The following DOCK2 variants were observed in gnomAD, a reference collection of about 807,000 sequenced individuals.
The protein encoded by DOCK2 is dedicator of cytokinesis protein 2.
Under a neutral mutation model 248.9 loss-of-function variants are expected in DOCK2, and 87 were observed. The ratio of observed to expected loss-of-function variants is 0.35; its 90% CI spans 0.29 to 0.42. The LOEUF is 0.42. Among genes scored for constraint, DOCK2 ranks in the 10% least tolerant of loss-of-function variants. The pLI, the probability that DOCK2 is intolerant of heterozygous loss-of-function variation, is 1.00. For missense variants in DOCK2, 1,747 were observed against 2,300.2 expected (o/e 0.76, Z 4.92); for synonymous variants, 805 against 821.6 (o/e 0.98, Z 0.35).
At chr5:169,646,123 T>C (rs757801463) in intron 1 of DOCK2, among the ~76,000 whole-genome samples, 4 of 152,206 alleles carry the variant, frequency 2.6e-5, no homozygotes, top group Admixed American at 6.5e-5. Flanking sequence ...TCGTGTAAGA[T>C]ATAAGGAAGG....
rs528872240 is a variant in DOCK2 at position 169,662,677 on chromosome 5, G to T, written c.128-6611G>T. ...AGAGAGAGAGAACAAGAAGGGAAGTGCCATACGTTTAAACCATCAGATCTC... is the reference window on the plus strand; with the variant it reads ...AGAGAGAGAGAACAAGAAGGGAAGTTCCATACGTTTAAACCATCAGATCTC... On this transcript the variant is annotated intron_variant, in intron 2 of 51. Coordinates refer to ENST00000520908, the MANE Select transcript of DOCK2 (RefSeq NM_004946.3). 2.0e-5 allele frequency among the ~76,000 whole-genome samples: 3 copies of T among 152,294 alleles called. No individual in the cohort carries two copies. The South Asian group carries it at 6.2e-4, about 32-fold the overall frequency.
chr5:169,873,185 CCTA>C (rs1321802608), intron 27 of DOCK2, among the ~76,000 whole-genome samples: 2 of 152,148 alleles, frequency 1.3e-5, no homozygotes, highest in Non-Finnish European at 2.9e-5. Flanking sequence ...TGCTGTAAAT[CCTA>C]CTTCTTTTCC....
rs148976077 is a variant in DOCK2 at position 169,877,555 on chromosome 5, A to T, written c.2799+36703A>T. 8.5e-3 allele frequency among the ~76,000 whole-genome samples: 1,291 copies of T among 152,278 alleles called. 48 individuals carry two copies. Among genetic ancestry groups the T allele is most frequent in the Admixed American group, 0.068 (1,043 of 15,292 alleles). On this transcript the variant is annotated intron_variant, in intron 27 of 51. Transcript: ENST00000520908. Reference sequence around the variant, plus strand: ...TTGAACAAAGTAAATATGGGAAGAAAATTAATTTTGTGGTGAAATAGGTGT... The same window carrying T: ...TTGAACAAAGTAAATATGGGAAGAATATTAATTTTGTGGTGAAATAGGTGT...
At chr5:170,068,830 C>T (rs1272247872) in intron 45 of DOCK2, among the ~76,000 whole-genome samples, 1 of 152,176 alleles carries the variant, frequency 6.6e-6, no homozygotes, top group African/African-American at 2.4e-5. Context: ...TTCAGGCTGT[C>T]TGGGCTGGGG....
intron 9 of DOCK2, among the ~76,000 whole-genome samples, chr5:169,689,565 T>G (rs1760177923): frequency 6.6e-6 from 1 of 152,210 alleles, no homozygotes; most frequent in Non-Finnish European, 1.5e-5. Flanking sequence ...GTCTCACTCC[T>G]GCACACACAG....
intron 27 of DOCK2, among the ~76,000 whole-genome samples, chr5:169,845,781 A>G (rs1196634558): frequency 6.6e-6 from 1 of 152,200 alleles, no homozygotes; most frequent in Non-Finnish European, 1.5e-5. Flanking sequence ...CAATGCTAAG[A>G]GTGCTGAGAG....
chr5:170,072,420 AATTT>A lies in DOCK2; in HGVS notation c.4728+3207_4728+3210del, dbSNP rs569109778. 2.5e-4 allele frequency among the ~76,000 whole-genome samples: 38 copies of A among 152,228 alleles called. 2 individuals carry two copies. The South Asian group carries it at 4.4e-3, about 17-fold the overall frequency. On this transcript the variant is annotated intron_variant, in intron 46 of 51. Transcript: ENST00000520908. ...GTATCTAAATTACCAATAATATATCAATTTATTTATCCGTTCTGTTGGACATTTG... is the reference window on the plus strand; with the variant it reads ...GTATCTAAATTACCAATAATATATCAATTTATCCGTTCTGTTGGACATTTG...
At chr5:169,987,234 TC>T (rs1246006579) in intron 29 of DOCK2, among the ~76,000 whole-genome samples, 1 of 152,216 alleles carries the variant, frequency 6.6e-6, no homozygotes, top group African/African-American at 2.4e-5. Flanking sequence ...AGGCTTCTTT[TC>T]CTATAGGTAC....
intron 27 of DOCK2, among the ~76,000 whole-genome samples, chr5:169,898,990 T>C (rs778918989): frequency 3.9e-5 from 6 of 152,162 alleles, no homozygotes; most frequent in Non-Finnish European, 8.8e-5. Context: ...GTCTGTGAAG[T>C]AGAACAGGTC....
intron 36 of DOCK2, among the ~76,000 whole-genome samples, chr5:170,037,684 C>T (rs575514892): frequency 7.9e-5 from 12 of 152,156 alleles, no homozygotes; most frequent in African/African-American, 2.9e-4. Flanking sequence ...CGGGGTTTCA[C>T]CATGTTGGCC....
chr5:169,639,180 A>G (rs1256516187), intron 1 of DOCK2, among the ~76,000 whole-genome samples: 1 of 152,212 alleles, frequency 6.6e-6, no homozygotes. Flanking sequence ...GACTTAGAAT[A>G]GAAGGAAAAT....
intron 1 of DOCK2, among the ~76,000 whole-genome samples, chr5:169,647,635 C>T (rs1406559741): frequency 1.3e-5 from 2 of 152,098 alleles, no homozygotes; most frequent in African/African-American, 2.4e-5. Flanking sequence ...GATGGCCCTG[C>T]CATTCATCCC....
At chr5:169,777,816 A>G (rs1007231740) in intron 25 of DOCK2, among the ~76,000 whole-genome samples, 1 of 152,200 alleles carries the variant, frequency 6.6e-6, no homozygotes, top group African/African-American at 2.4e-5. Flanking sequence ...ATTAATAACT[A>G]TTACTAGTGC....
At chr5:169,930,067 T>C (rs1775672642) in intron 27 of DOCK2, among the ~76,000 whole-genome samples, 1 of 152,240 alleles carries the variant, frequency 6.6e-6, no homozygotes, top group Admixed American at 6.5e-5. Flanking sequence ...CTCAGCTCAC[T>C]GCAATCTCTG....
intron 3 of DOCK2, among the ~76,000 whole-genome samples, chr5:169,669,674 T>C (rs1758934164): frequency 6.6e-6 from 1 of 152,152 alleles, no homozygotes; most frequent in African/African-American, 2.4e-5. Context: ...CAGCATTCAG[T>C]CATCTCCTCA....
chr5:170,057,481 G>A (rs545064311), intron 43 of DOCK2, 99 bp from the exon 44 acceptor site: 20 of 1,002,700 alleles, frequency 2.0e-5, no homozygotes, highest in Middle Eastern at 2.0e-4. Context: ...TGGGAGGCCC[G>A]GGGACCTGGC....
chr5:169,858,826 G>A (rs566016810), intron 27 of DOCK2, among the ~76,000 whole-genome samples: 5 of 152,166 alleles, frequency 3.3e-5, no homozygotes, highest in South Asian at 2.1e-4. Flanking sequence ...ACATAGCAAG[G>A]CTCAGTCTTT....
At chr5:169,812,119 A>AGGAGGTGAGCAGG (rs1157746197) in intron 26 of DOCK2, among the ~76,000 whole-genome samples, 3 of 152,214 alleles carry the variant, frequency 2.0e-5, no homozygotes, top group Non-Finnish European at 4.4e-5. Flanking sequence ...ACCAGGCTTC[A>AGGAGGTGAGCAGG]CAGCAGGAGG....
chr5:169,864,401 C>T (rs2113421872), intron 27 of DOCK2: 1 of 1,551,248 alleles, frequency 6.4e-7, no homozygotes, highest in Non-Finnish European at 8.7e-7. Context: ...TCTGCTTCCT[C>T]CAGACTCTGC....
Sources: gnomAD v4.1 joint callset for allele counts (sites outside exome capture counted in the v4.1 genomes callset) on GRCh38, gnomAD v4.1.1 for gene constraint, MANE v1.5 for transcripts, NCBI Gene and HGNC (gene_info 2026-07-23, HGNC 2026-07-21) for gene names.